The following ISM1 variants were observed in gnomAD, a reference collection of about 807,000 sequenced individuals.
The protein encoded by ISM1 is isthmin 1, also known as isthmin-1.
In ISM1, 25 loss-of-function variants were observed where a neutral mutation model predicts 46.3. That is an observed-to-expected ratio of 0.54 (90% CI 0.39 to 0.75). The LOEUF is 0.75. ISM1 is among the 30% of genes least tolerant of loss of function. The pLI, the probability that ISM1 is intolerant of heterozygous loss-of-function variation, is 0.00. For synonymous variants in ISM1, 255 were observed against 256.7 expected (o/e 0.99, Z 0.06); for missense variants, 536 against 625.4 (o/e 0.86, Z 1.52).
chr20:13,229,072 CCTTT>C (rs1408123010), intron 1 of ISM1, among the ~76,000 whole-genome samples: 2 of 151,832 alleles, frequency 1.3e-5, no homozygotes, highest in Non-Finnish European at 1.5e-5. Context: ...TTTTTCTTTC[CCTTT>C]CTTTCCTTTT....
At chr20:13,318,873 G>T in the ISM1 span, among the ~76,000 whole-genome samples, 1 of 152,250 alleles carries the variant, frequency 6.6e-6, no homozygotes, top group Non-Finnish European at 1.5e-5. Flanking sequence ...GGGTTGAGAA[G>T]AGGAAGGGAT....
the ISM1 span, among the ~76,000 whole-genome samples, chr20:13,323,416 T>C: frequency 0.015 from 2,340 of 152,322 alleles, 57 homozygotes; most frequent in African/African-American, 0.053. Flanking sequence ...TATTGAACCG[T>C]GGTTCCCATA....
intron 1 of ISM1, among the ~76,000 whole-genome samples, chr20:13,254,459 C>A (rs2039904010): frequency 7.5e-6 from 1 of 133,368 alleles, no homozygotes; most frequent in Non-Finnish European, 1.6e-5. Context: ...AAAATACCTG[C>A]CCCCCGCATC....
the ISM1 span, among the ~76,000 whole-genome samples, chr20:13,321,710 T>C: frequency 6.6e-6 from 1 of 152,212 alleles, no homozygotes; most frequent in Non-Finnish European, 1.5e-5. Context: ...TTCAACTCCC[T>C]CCCATATAAA....
At chr20:13,265,888 A>G (rs73263007) in intron 1 of ISM1, among the ~76,000 whole-genome samples, 3,210 of 152,214 alleles carry the variant, frequency 0.021, 118 homozygotes, top group African/African-American at 0.071. Context: ...TGATAGCTCC[A>G]TAATACTATC....
At chr20:13,262,497 C>A (rs910601417) in intron 1 of ISM1, among the ~76,000 whole-genome samples, 2 of 147,848 alleles carry the variant, frequency 1.4e-5, no homozygotes, top group Non-Finnish European at 3.0e-5. Flanking sequence ...ACTTTCCACT[C>A]GTGTACTCTG....
rs2039450133 is a variant in ISM1 at position 13,221,694 on chromosome 20, G to A, written c.-83G>A. The A allele has an allele frequency of 8.4e-7, 1 of 1,188,428 alleles. No homozygotes were observed. Among genetic ancestry groups the A allele is most frequent in the Non-Finnish European group, 1.1e-6 (1 of 942,582 alleles). 73.6% of individuals were successfully genotyped at this position (1,188,428 alleles called of 1,614,324 possible). On this transcript the variant is annotated 5_prime_UTR_variant, in exon 1 of 6. Transcript: ENST00000262487. ...GCGGGAGCCGCGCTGCCGGGCTCCC[G>A]GGCTCCTACTCCTCCTCCCCCGGCG...
At chr20:13,264,057 C>T (rs879647533) in intron 1 of ISM1, among the ~76,000 whole-genome samples, 2 of 152,004 alleles carry the variant, frequency 1.3e-5, no homozygotes, top group Non-Finnish European at 2.9e-5. Context: ...CTAACTAGGC[C>T]CTCGTTACCC....
At chr20:13,307,256 G>A in the ISM1 span, among the ~76,000 whole-genome samples, 7 of 152,106 alleles carry the variant, frequency 4.6e-5, no homozygotes, top group Non-Finnish European at 7.4e-5. Flanking sequence ...CATCCTTTGG[G>A]CCAGTCTTTT....
At chr20:13,221,950 C>G in intron 1 of ISM1, 36 bp downstream of exon 1, 1 of 1,306,584 alleles carries the variant, frequency 7.7e-7, no homozygotes, top group Non-Finnish European at 9.7e-7. Flanking sequence ...TGCGCGGCTG[C>G]GGGGACGGTT....
At chr20:13,311,243 T>TAGATAGATAGATGATTGATA in the ISM1 span, among the ~76,000 whole-genome samples, 1 of 127,860 alleles carries the variant, frequency 7.8e-6, no homozygotes, top group African/African-American at 3.0e-5. Flanking sequence ...GATAGATAGA[T>TAGATAGATAGATGATTGATA]GATAGATAGA....
In ISM1 at chr20:13,297,388, A is replaced by G. The variant is rs73263054; in HGVS notation, c.878-1554A>G. ...GTTACTCGTTTGCTCCACACCCTGT[A>G]TTAGCTGCCCTCCCTTCTCTAATTC... On this transcript the variant is annotated intron_variant, in intron 5 of 5. Coordinates refer to ENST00000262487, the MANE Select transcript of ISM1 (RefSeq NM_080826.2). 2.9e-3 allele frequency among the ~76,000 whole-genome samples: 446 copies of G among 152,310 alleles called. 3 individuals carry two copies. The highest frequency in any genetic ancestry group is 0.01 in the African/African-American group (421 of 41,564).
the ISM1 span, among the ~76,000 whole-genome samples, chr20:13,309,365 T>C: frequency 2.0e-5 from 3 of 151,628 alleles, no homozygotes; most frequent in East Asian, 1.9e-4. Context: ...TTTGACAAAA[T>C]TGAATATTAT....
the ISM1 span, among the ~76,000 whole-genome samples, chr20:13,326,307 T>C: frequency 6.6e-6 from 1 of 152,184 alleles, no homozygotes; most frequent in African/African-American, 2.4e-5. Context: ...GCACCTAAGA[T>C]TTCATTTCTC....
At chr20:13,321,416 T>TG in the ISM1 span, among the ~76,000 whole-genome samples, 1 of 152,184 alleles carries the variant, frequency 6.6e-6, no homozygotes, top group Non-Finnish European at 1.5e-5. Flanking sequence ...TGAAGCCTGC[T>TG]GCCTTTCTAG....
chr20:13,281,316 C>G (rs2040236289), intron 3 of ISM1, among the ~76,000 whole-genome samples: 1 of 152,160 alleles, frequency 6.6e-6, no homozygotes, highest in African/African-American at 2.4e-5. Flanking sequence ...AAAGAGAACT[C>G]TAGAAGGGAT....
chr20:13,287,118 T>C (rs930611446), intron 3 of ISM1, among the ~76,000 whole-genome samples: 4 of 152,196 alleles, frequency 2.6e-5, no homozygotes, highest in African/African-American at 9.7e-5. Flanking sequence ...GTTTGATAGG[T>C]GTATTAGTCT....
At chr20:13,296,105 C>T (rs2040404347) in intron 5 of ISM1, among the ~76,000 whole-genome samples, 1 of 152,182 alleles carries the variant, frequency 6.6e-6, no homozygotes, top group Admixed American at 6.5e-5. Context: ...AGTTGGCTTC[C>T]TTAGATATGC....
chr20:13,221,667 A>AC lies in ISM1; in HGVS notation c.-110_-109insC. 1 of 955,696 alleles carries AC rather than the reference A, an allele frequency of 1.0e-6. No homozygotes were observed. The highest frequency in any genetic ancestry group is 1.3e-6 in the Non-Finnish European group (1 of 749,968). 59.2% of individuals were successfully genotyped at this position (955,696 alleles called of 1,614,324 possible). A position where few individuals can be genotyped will look rare whatever the true frequency, so the allele number is the denominator to read the frequency against. On this transcript the variant is annotated 5_prime_UTR_variant, in exon 1 of 6. It removes the in-frame stop codon of an upstream open reading frame in the 5' UTR. Coordinates refer to ENST00000262487, the MANE Select transcript of ISM1 (RefSeq NM_080826.2). Reference sequence around the variant, plus strand: ...GGAAGCGGAGCCCTGGCGGGAGCCGAGGCGGGAGCCGCGCTGCCGGGCTCC... The same window carrying AC: ...GGAAGCGGAGCCCTGGCGGGAGCCGACGGCGGGAGCCGCGCTGCCGGGCTCC...
Sources: allele counts gnomAD v4.1 joint callset (sites outside exome capture counted in the v4.1 genomes callset), GRCh38; gene constraint gnomAD v4.1.1; transcripts MANE v1.5; gene names NCBI Gene and HGNC (gene_info 2026-07-23, HGNC 2026-07-21).